Variants in SRBD1 observed in about 807,000 individuals in gnomAD.
SRBD1 encodes the protein S1 RNA binding domain 1.
SRBD1 carries 88 observed loss-of-function variants against 115.3 expected under a neutral mutation model. That is an observed-to-expected ratio of 0.76 (90% CI 0.64 to 0.91). The LOEUF (loss-of-function observed/expected upper bound fraction) is 0.91, where lower values mean the gene tolerates loss of function less well. Ranked by LOEUF, SRBD1 falls within the 40% of genes least tolerant of loss-of-function variation. The pLI, the probability that SRBD1 is intolerant of heterozygous loss-of-function variation, is 0.00. For synonymous variants in SRBD1, 509 were observed against 407.7 expected (o/e 1.25, Z -2.99); for missense variants, 1,385 against 1,177.4 (o/e 1.18, Z -2.58).
rs1382082116 is a variant in SRBD1, at chr2:45,579,983, T to C, written c.964A>G (p.Thr322Ala). 6.3e-7 allele frequency: 1 copy of C among 1,592,056 alleles called. No individual in the cohort carries two copies. Among genetic ancestry groups the C allele is most frequent in the Non-Finnish European group, 8.5e-7 (1 of 1,171,728 alleles). ...AACTGTCTTGCTCTCTGGGCTTTAG[T>C]CCCTTTGCTTCCAGTTTTATATGGA... ...SAPYKTGSKG[T>A]KAQRARQLGL... The change falls in exon 7 of 21, where the codon ACT (threonine) becomes GCT (alanine). Residue 322 changes from threonine to alanine, a missense_variant. Physicochemically the swap from Thr to Ala is moderately conservative, Grantham distance 58. Coordinates refer to ENST00000263736, the MANE Select transcript of SRBD1 (RefSeq NM_018079.5).
Position 45,553,706 on chromosome 2 carries a change from C to G in SRBD1, c.1434G>C (p.Arg478Ser), listed in dbSNP as rs148571397. 2.7e-4 allele frequency: 428 copies of G among 1,602,848 alleles called. No individual in the cohort carries two copies. In the African/African-American group the frequency reaches 5.2e-3, roughly 20 times the overall value. Residue 478 changes from arginine to serine, a missense_variant, in exon 11 of 21, where the codon AGG (arginine) becomes AGC (serine). Arg to Ser is a moderately radical substitution (Grantham distance 110). Transcript: ENST00000263736. Reference sequence around the variant, plus strand: ...TATATAAGATCTTCATTAACTCTGGCCTTGCAAAGCTACGTGGTCTCCACC... The same window carrying G: ...TATATAAGATCTTCATTAACTCTGGGCTTGCAAAGCTACGTGGTCTCCACC... ...QNRWRPRSFA[R>S]PELMKILYNS...
intron 16 of SRBD1, among the ~76,000 whole-genome samples, chr2:45,440,803 A>G (rs1668646355): frequency 6.6e-6 from 1 of 152,192 alleles, no homozygotes; most frequent in Admixed American, 6.5e-5. Flanking sequence ...AGAGACAGAA[A>G]GAGAGAGACA....
chr2:45,528,744 T>C (rs1380890703), intron 14 of SRBD1, among the ~76,000 whole-genome samples: 1 of 151,822 alleles, frequency 6.6e-6, no homozygotes, highest in Non-Finnish European at 1.5e-5. Context: ...GAGGAAAATA[T>C]CTGGAGTGTT....
intron 10 of SRBD1, among the ~76,000 whole-genome samples, chr2:45,561,846 T>G (rs1195415813): frequency 6.6e-6 from 1 of 152,160 alleles, no homozygotes; most frequent in Admixed American, 6.5e-5. Context: ...TCTAATAAAT[T>G]TAATGTTTCT....
chr2:45,536,631 C>T (rs1287314705), intron 14 of SRBD1, among the ~76,000 whole-genome samples: 3 of 151,988 alleles, frequency 2.0e-5, no homozygotes, highest in East Asian at 3.8e-4. Flanking sequence ...AAATTCTATC[C>T]ATTAATTTAA....
intron 9 of SRBD1, among the ~76,000 whole-genome samples, chr2:45,564,721 T>C (rs1254392440): frequency 6.6e-6 from 1 of 152,200 alleles, no homozygotes; most frequent in African/African-American, 2.4e-5. Flanking sequence ...CTTTGAACAA[T>C]ACAGGTTTAA....
chr2:45,503,826 G>C (rs1670714002), intron 14 of SRBD1, among the ~76,000 whole-genome samples: 1 of 152,148 alleles, frequency 6.6e-6, no homozygotes, highest in Non-Finnish European at 1.5e-5. Flanking sequence ...CAAATCCAAA[G>C]AGGAGGAGGC....
At chr2:45,434,605 T>G (rs1489480897) in intron 16 of SRBD1, among the ~76,000 whole-genome samples, 1 of 152,176 alleles carries the variant, frequency 6.6e-6, no homozygotes, top group Non-Finnish European at 1.5e-5. Context: ...AATTATGTGT[T>G]AGAATCAATT....
chr2:45,395,180 C>T (rs1288536032), intron 19 of SRBD1, among the ~76,000 whole-genome samples: 2 of 152,294 alleles, frequency 1.3e-5, no homozygotes, highest in South Asian at 2.1e-4. Context: ...GGCTACTTAG[C>T]GGAGTATCTT....
intron 19 of SRBD1, among the ~76,000 whole-genome samples, chr2:45,406,762 C>A (rs965277590): frequency 6.6e-6 from 1 of 152,064 alleles, no homozygotes; most frequent in African/African-American, 2.4e-5. Context: ...TAAAATAAAT[C>A]GGCACAGTTT....
chr2:45,544,548 G>C lies in SRBD1; in HGVS notation c.1874+2184C>G, dbSNP rs188922379. Among the ~76,000 whole-genome samples the C allele has an allele frequency of 2.6e-5, 4 of 152,154 alleles. 1 individual carries two copies. The highest frequency in any genetic ancestry group is 9.6e-5 in the African/African-American group (4 of 41,504). On this transcript the variant is annotated intron_variant, in intron 14 of 20. Coordinates refer to ENST00000263736, the MANE Select transcript of SRBD1 (RefSeq NM_018079.5). ...ACCTATGGTGAGGCTCAACTAAAATGGCATCTAATTCATATCCATTAATAA... is the reference window on the plus strand; with the variant it reads ...ACCTATGGTGAGGCTCAACTAAAATCGCATCTAATTCATATCCATTAATAA...
Position 45,546,857 on chromosome 2 carries a change from A to G in SRBD1, c.1767-18T>C, listed in dbSNP as rs561924310. ...TGCTGCAGCTTCAAGGCAGAAACAG[A>G]ATGACAAACTGAATTTCAAGGCATG... On this transcript the variant is annotated intron_variant, in intron 13 of 20. Transcript: ENST00000263736. The G allele has an allele frequency of 6.0e-5, 96 of 1,609,812 alleles. 3 individuals carry two copies. The South Asian group carries it at 1.0e-3, about 17-fold the overall frequency.
chr2:45,549,696 C>CAAAAAAA (rs10646755), intron 12 of SRBD1, among the ~76,000 whole-genome samples: 24 of 84,750 alleles, frequency 2.8e-4, no homozygotes, highest in Non-Finnish European at 3.3e-4. Context: ...ACTAAAAATA[C>CAAAAAAA]AAAAAAAAAA....
intron 7 of SRBD1, among the ~76,000 whole-genome samples, chr2:45,576,890 C>T (rs1421047768): frequency 6.6e-6 from 1 of 152,196 alleles, no homozygotes; most frequent in Non-Finnish European, 1.5e-5. Context: ...AATCCCCCAT[C>T]ATAAGAGGGG....
chr2:45,470,134 T>C (rs537610447), intron 16 of SRBD1, among the ~76,000 whole-genome samples: 1 of 152,346 alleles, frequency 6.6e-6, no homozygotes, highest in East Asian at 1.9e-4. Flanking sequence ...GAGCAAACAC[T>C]GTAGAACAGG....
chr2:45,505,527 A>T (rs752492134), intron 14 of SRBD1, among the ~76,000 whole-genome samples: 2 of 152,206 alleles, frequency 1.3e-5, no homozygotes, highest in African/African-American at 2.4e-5. Context: ...AATTTGGTCA[A>T]ACTGGCTCCT....
chr2:45,425,463 G>A (rs1293479129), intron 16 of SRBD1, among the ~76,000 whole-genome samples: 1 of 152,046 alleles, frequency 6.6e-6, no homozygotes. Context: ...AATAAATTAT[G>A]GAACAGCCCT....
intron 16 of SRBD1, among the ~76,000 whole-genome samples, chr2:45,476,516 T>C (rs1199647750): frequency 2.6e-5 from 4 of 152,148 alleles, no homozygotes; most frequent in Non-Finnish European, 5.9e-5. Context: ...CTGTCTTGAA[T>C]TGCCCAATGA....
At chr2:45,453,922 C>G (rs971918554) in intron 16 of SRBD1, among the ~76,000 whole-genome samples, 5 of 151,956 alleles carry the variant, frequency 3.3e-5, no homozygotes, top group Non-Finnish European at 7.4e-5. Flanking sequence ...AATTCGTCCA[C>G]TGCAATTAAC....
Sources: allele counts gnomAD v4.1 joint callset (sites outside exome capture counted in the v4.1 genomes callset), GRCh38; gene constraint gnomAD v4.1.1; transcripts MANE v1.5; gene names NCBI Gene and HGNC (gene_info 2026-07-23, HGNC 2026-07-21).